The following BAHCC1 variants were observed in gnomAD, a reference collection of about 807,000 sequenced individuals.
BAHCC1 encodes the protein BAH domain and coiled-coil containing 1.
A neutral mutation model predicts 88.2 loss-of-function variants in BAHCC1; 43 were observed. The ratio of observed to expected loss-of-function variants is 0.49; its 90% CI spans 0.38 to 0.63. The LOEUF (loss-of-function observed/expected upper bound fraction) is 0.63. Among genes scored for constraint, BAHCC1 ranks in the 20% least tolerant of loss-of-function variants. The probability of loss-of-function intolerance (pLI) is 0.00; values close to 1 mark genes in which losing one functional copy is unlikely to be tolerated. For synonymous variants in BAHCC1, 1,510 were observed against 745.5 expected, an observed-to-expected ratio of 2.03 and a Z score of -16.71; for missense variants, 3,023 against 1,654.8, an observed-to-expected ratio of 1.83 and a Z score of -14.34.
chr17:81,399,974 G>A lies in BAHCC1; in HGVS notation c.178+57G>A. ...GGAGCGTTCGAGAGCGGAACAGGGC[G>A]CCCACCCCTCCGCTCCCGGGAGCAG... On this transcript the variant is annotated intron_variant, in intron 2 of 27. Transcript: ENST00000675386. The surrounding 1 kb of genome is among the most constrained non-coding windows in gnomAD (Gnocchi z 4.5). 3 of 1,244,740 alleles carry A rather than the reference G, an allele frequency of 2.4e-6. No homozygotes were observed. Among genetic ancestry groups the A allele is most frequent in the Non-Finnish European group, 3.1e-6 (3 of 978,358 alleles). 77.1% of individuals were successfully genotyped at this position (1,244,740 alleles called of 1,614,324 possible).
intron 2 of BAHCC1, among the ~76,000 whole-genome samples, chr17:81,400,127 C>T (rs1229362299): frequency 1.3e-5 from 2 of 152,124 alleles, no homozygotes; most frequent in South Asian, 2.1e-4. Flanking sequence ...TGGCCACCCT[C>T]CCCCGGGGGT....
At chr17:81,449,201 G>T (rs1194975162) in intron 11 of BAHCC1, among the ~76,000 whole-genome samples, 1 of 152,170 alleles carries the variant, frequency 6.6e-6, no homozygotes, top group Non-Finnish European at 1.5e-5. Flanking sequence ...CAGGCCAGGT[G>T]TCCCAATCCC....
At chr17:81,457,259 C>G in intron 16 of BAHCC1, 151 bp from the exon 17 acceptor site, 2 of 606,346 alleles carry the variant, frequency 3.3e-6, no homozygotes, top group Non-Finnish European at 5.9e-6. Flanking sequence ...CACCTGCCCC[C>G]AAAGCAGCCC....
At chr17:81,431,446 AC>A (rs2064260461) in intron 3 of BAHCC1, among the ~76,000 whole-genome samples, 1 of 152,178 alleles carries the variant, frequency 6.6e-6, no homozygotes, top group African/African-American at 2.4e-5. Context: ...CCAGGTCCAC[AC>A]CTGGCAGAGG....
intron 2 of BAHCC1, among the ~76,000 whole-genome samples, chr17:81,417,591 C>G (rs1555648951): frequency 9.9e-6 from 1 of 100,530 alleles, no homozygotes; most frequent in Non-Finnish European, 2.0e-5. Context: ...CTAAATTTAC[C>G]CTTTTAATAA....
intron 6 of BAHCC1, 92 bp from the exon 7 acceptor site, chr17:81,444,289 C>G (rs2064479556): frequency 3.0e-6 from 2 of 663,068 alleles, no homozygotes; most frequent in Admixed American, 4.4e-5. Context: ...TGGGGCTGAG[C>G]CCCAGGTCTT....
In BAHCC1 at chr17:81,460,691, A is replaced by T. The variant is rs1555658980; in HGVS notation, c.6187A>T (p.Ser2063Cys). ...ALKTPGKKSI[S>C]KDKAGKAELL... ...GAAGACACCTGGGAAAAAATCCATT[A>T]GCAAAGACAAAGCTGGTATTTTACC... The change falls in exon 25 of 28, where the codon AGC becomes TGC. Residue 2063 changes from serine to cysteine, a missense_variant. Ser to Cys is a moderately radical substitution (Grantham distance 112, BLOSUM62 -1). Transcript: ENST00000675386. The T allele has an allele frequency of 2.6e-6, 2 of 773,338 alleles. No homozygotes were observed. The highest frequency in any genetic ancestry group is 4.8e-6 in the Non-Finnish European group (2 of 414,950). The allele number at this position is 773,338 out of a possible 1,614,324, so 47.9% of individuals were successfully genotyped here.
chr17:81,447,293 C>A lies in BAHCC1; in HGVS notation c.3421C>A (p.Pro1141Thr). The change falls in exon 11 of 28, where the codon CCC (proline) becomes ACC (threonine). Residue 1141 changes from proline (P) to threonine (T), a missense_variant. Coordinates refer to ENST00000675386, the MANE Select transcript of BAHCC1 (RefSeq NM_001377448.1). The part of the protein sequence containing the change: ...AATPYPTERG[P>T]QGKAADPSPL... The stretch of plus-strand genomic sequence containing the variant: ...CACCCCCTACCCTACCGAGCGGGGA[C>A]CCCAGGGGAAGGCAGCGGACCCCAG... 1.4e-6 allele frequency: 1 copy of A among 736,148 alleles called. No individual in the cohort carries two copies. The highest frequency in any genetic ancestry group is 2.5e-6 in the Non-Finnish European group (1 of 398,226). 45.6% of individuals were successfully genotyped at this position (736,148 alleles called of 1,614,324 possible).
In BAHCC1 at chr17:81,461,315, C is replaced by G; in HGVS notation, c.6652C>G (p.Pro2218Ala). 1.4e-6 allele frequency: 1 copy of G among 723,350 alleles called. No homozygotes were observed. The highest frequency in any genetic ancestry group is 2.5e-6 in the Non-Finnish European group (1 of 392,548). 44.8% of individuals were successfully genotyped at this position (723,350 alleles called of 1,614,324 possible). ...VKLDHEGVTS[P>A]KNKTCKALLM... is the part of the protein sequence containing the mutation. ...GCTGGACCACGAGGGTGTGACCTCC[C>G]CCAAGAACAAGACCTGCAAGGCGTT... The change falls in exon 26 of 28, where the codon CCC (proline) becomes GCC (alanine). Residue 2218 changes from proline to alanine, a missense_variant. Transcript: ENST00000675386.
chr17:81,446,977 G>T (rs115652721), intron 10 of BAHCC1, 59 bp from the exon 11 acceptor site: 5 of 769,428 alleles, frequency 6.5e-6, no homozygotes, highest in African/African-American at 1.7e-5. Context: ...CCGTCCTATC[G>T]CAGGACACCC....
At chr17:81,426,590 A>G (rs2064202972) in intron 2 of BAHCC1, among the ~76,000 whole-genome samples, 1 of 151,886 alleles carries the variant, frequency 6.6e-6, no homozygotes, top group Non-Finnish European at 1.5e-5. Flanking sequence ...CTGGGGCACC[A>G]AAAGACTCAG....
intron 2 of BAHCC1, among the ~76,000 whole-genome samples, chr17:81,425,598 A>G (rs2064178385): frequency 2.5e-5 from 3 of 118,788 alleles, no homozygotes; most frequent in Non-Finnish European, 3.4e-5. Context: ...GTGGTGGGTG[A>G]TGTGGTTGGG....
intron 2 of BAHCC1, chr17:81,402,235 T>G (rs2063826008): frequency 6.6e-6 from 1 of 152,216 alleles, no homozygotes; most frequent in Non-Finnish European, 1.5e-5. Flanking sequence ...TCGGAGATGT[T>G]CAACCCATTT....
At chr17:81,408,582 C>A (rs1198593355) in intron 2 of BAHCC1, among the ~76,000 whole-genome samples, 5 of 152,182 alleles carry the variant, frequency 3.3e-5, no homozygotes, top group African/African-American at 1.2e-4. Context: ...TCTCAGAGCC[C>A]CCGTGTGACT....
rs1555652911 is a variant in BAHCC1, at chr17:81,442,682, AAGGCCG to A, written c.1337_1342del (p.Ala446_Glu447del). ...CTATGGAGTCTCCTATGCCCACCTG[AAGGCCG>A]AGGGCAAGGGCGAGCGGCGGCCTGG... On this transcript the variant is annotated inframe_deletion, in exon 5 of 28. Transcript: ENST00000675386. 6.5e-6 allele frequency: 5 copies of A among 774,130 alleles called. No homozygotes were observed. Among genetic ancestry groups the A allele is most frequent in the Non-Finnish European group, 9.6e-6 (4 of 415,658 alleles). 48.0% of individuals were successfully genotyped at this position (774,130 alleles called of 1,614,324 possible).
rs782333862 is a variant in BAHCC1 at position 81,442,477 on chromosome 17, C to G, written c.1128C>G (p.Leu376=). ...AGCTGCACGGGGGCCCTGACGGGCT[C>G]TGCCCGCTGCAGGACAAAGCCCCCC... ...CLQLHGGPDG[L]CPLQDKAPRD... The change falls in exon 5 of 28, where the codon CTC becomes CTG. Residue 376 remains leucine, a synonymous_variant. Transcript: ENST00000675386. 1.4e-6 allele frequency: 1 copy of G among 722,784 alleles called. No individual in the cohort carries two copies. The highest frequency in any genetic ancestry group is 2.6e-6 in the Non-Finnish European group (1 of 389,900). 44.8% of individuals were successfully genotyped at this position (722,784 alleles called of 1,614,324 possible). A position where few individuals can be genotyped will look rare whatever the true frequency, so the allele number is the denominator to read the frequency against.
Position 81,460,980 on chromosome 17 carries a change from G to A in BAHCC1, c.6317G>A (p.Arg2106Gln), listed in dbSNP as rs782073440. The part of the protein sequence containing the change: ...LSWSAVAQTK[R>Q]KAVAAASKGP... ...TGGTCCGCGGTGGCGCAGACCAAGC[G>A]GAAGGCGGTGGCAGCGGCCAGCAAG... The change falls in exon 26 of 28, where the codon CGG (arginine) becomes CAG (glutamine). Residue 2106 changes from arginine to glutamine, a missense_variant. Coordinates refer to ENST00000675386, the MANE Select transcript of BAHCC1 (RefSeq NM_001377448.1). 45 of 772,966 alleles carry A rather than the reference G, an allele frequency of 5.8e-5. No individual in the cohort carries two copies. The highest frequency in any genetic ancestry group is 5.1e-4 in the East Asian group (21 of 41,206). The allele number at this position is 772,966 out of a possible 1,614,324, so 47.9% of individuals were successfully genotyped here. A position where few individuals can be genotyped will look rare whatever the true frequency, so the allele number is the denominator to read the frequency against.
At position 81,443,115 on chromosome 17, in the gene BAHCC1, G is replaced by T. The variant is rs1386450028; in HGVS notation, c.1766G>T (p.Gly589Val). 1.3e-6 allele frequency: 1 copy of T among 777,764 alleles called. No individual in the cohort carries two copies. Among genetic ancestry groups the T allele is most frequent in the Non-Finnish European group, 2.4e-6 (1 of 417,280 alleles). 48.2% of individuals were successfully genotyped at this position (777,764 alleles called of 1,614,324 possible). Residue 589 changes from glycine (G) to valine (V), a missense_variant, in exon 5 of 28, where the codon GGC becomes GTC. Transcript: ENST00000675386. Reference sequence around the variant, plus strand: ...CTGCCCCCATGGGGTGTCCAGGCAGGCCAGGGCACCGCCATGGCCATCAGC... The same window carrying T: ...CTGCCCCCATGGGGTGTCCAGGCAGTCCAGGGCACCGCCATGGCCATCAGC... ...PHLPPWGVQA[G>V]QGTAMAISEE... is the part of the protein sequence containing the mutation.
rs199860933 is a variant in BAHCC1, at chr17:81,456,304, C to T, written c.4577C>T (p.Ala1526Val). ...AGLQTASVEK[A>V]QCKKSSCQGG... ...GCCCCTCCCTGTTCACAGGAGAAGG[C>T]GCAGTGTAAGAAGAGCAGCTGTCAG... The change falls in exon 16 of 28, where the codon GCG becomes GTG. Residue 1526 changes from alanine to valine, a missense_variant. Ala to Val is a moderately conservative substitution (Grantham distance 64). Coordinates refer to ENST00000675386, the MANE Select transcript of BAHCC1 (RefSeq NM_001377448.1). The T allele has an allele frequency of 1.4e-4, 100 of 716,258 alleles. No individual in the cohort carries two copies. Among genetic ancestry groups the T allele is most frequent in the African/African-American group, 1.3e-3 (72 of 57,224 alleles). 44.4% of individuals were successfully genotyped at this position (716,258 alleles called of 1,614,324 possible).
Sources: gnomAD v4.1 joint callset for allele counts (sites outside exome capture counted in the v4.1 genomes callset) on GRCh38, gnomAD v4.1.1 for gene constraint, Gnocchi (gnomAD v3.1) non-coding constraint, MANE v1.5 for transcripts, NCBI Gene and HGNC (gene_info 2026-07-23, HGNC 2026-07-21) for gene names.